The following HECW1 variants were observed in gnomAD, a reference collection of about 807,000 sequenced individuals.
The protein encoded by HECW1 is HECT, C2 and WW domain containing E3 ubiquitin protein ligase 1.
HECW1 carries 61 observed loss-of-function variants against 182.3 expected under a neutral mutation model. That is an observed-to-expected ratio of 0.33 (90% CI 0.27 to 0.41). The LOEUF is 0.41. Ranked by LOEUF, HECW1 falls within the 10% of genes least tolerant of loss-of-function variation. The probability of loss-of-function intolerance (pLI) is 1.00; values close to 1 mark genes in which losing one functional copy is unlikely to be tolerated. For missense variants in HECW1, 1,739 were observed against 2,108.9 expected (o/e 0.82, Z 3.44); for synonymous variants, 859 against 832.6 (o/e 1.03, Z -0.55).
chr7:43,323,710 G>A (rs1028652450), intron 5 of HECW1, among the ~76,000 whole-genome samples: 1 of 152,012 alleles, frequency 6.6e-6, no homozygotes, highest in Non-Finnish European at 1.5e-5. Context: ...TTCAAACTTG[G>A]TCAAGCAGCA....
At chr7:43,155,991 C>T (rs1789840261) in intron 2 of HECW1, among the ~76,000 whole-genome samples, 1 of 152,172 alleles carries the variant, frequency 6.6e-6, no homozygotes, top group South Asian at 2.1e-4. Context: ...ACAGTAAATC[C>T]AGAATGAGTC....
intron 3 of HECW1, among the ~76,000 whole-genome samples, chr7:43,273,551 C>T (rs1002400719): frequency 4.6e-5 from 7 of 152,098 alleles, no homozygotes; most frequent in Admixed American, 1.3e-4. Flanking sequence ...TATATTTCCT[C>T]TTTTACCCAT....
intron 5 of HECW1, among the ~76,000 whole-genome samples, chr7:43,353,292 G>C (rs1481717783): frequency 6.6e-6 from 1 of 151,970 alleles, no homozygotes; most frequent in Non-Finnish European, 1.5e-5. Flanking sequence ...TTAAATTACA[G>C]GGATATTTAG....
At chr7:43,493,433 G>A (rs377020467) in intron 19 of HECW1, among the ~76,000 whole-genome samples, 14 of 152,152 alleles carry the variant, frequency 9.2e-5, no homozygotes, top group African/African-American at 3.1e-4. Context: ...ATGTAGGGGG[G>A]GGAAGGACAG....
At chr7:43,247,542 G>A (rs1799496358) in intron 3 of HECW1, among the ~76,000 whole-genome samples, 1 of 152,122 alleles carries the variant, frequency 6.6e-6, no homozygotes, top group Admixed American at 6.5e-5. Flanking sequence ...TCTGGTGGTT[G>A]AGGCAGAATT....
At chr7:43,257,577 A>T (rs991457979) in intron 3 of HECW1, among the ~76,000 whole-genome samples, 2 of 152,160 alleles carry the variant, frequency 1.3e-5, no homozygotes, top group African/African-American at 4.8e-5. Context: ...ACCAAAACCA[A>T]GCACCATCCT....
At chr7:43,274,637 G>A (rs1336728145) in intron 3 of HECW1, 4 of 356,912 alleles carry the variant, frequency 1.1e-5, no homozygotes, top group Non-Finnish European at 2.1e-5. Flanking sequence ...CGCCCCGGGG[G>A]AGGGAGGGAG....
intron 26 of HECW1, among the ~76,000 whole-genome samples, chr7:43,545,016 C>G (rs2081501396): frequency 6.6e-6 from 1 of 152,164 alleles, no homozygotes; most frequent in Non-Finnish European, 1.5e-5. Context: ...GTAATCCCAG[C>G]ACTGTGGGAG....
rs73689977 is a variant in HECW1, at chr7:43,311,811, T to C, written c.76T>C (p.Ser26Pro). Residue 26 changes from serine to proline, a missense_variant, in exon 4 of 30, where the codon TCT becomes CCT. Physicochemically the swap from Ser to Pro is moderately conservative, Grantham distance 74 (BLOSUM62 -1). Transcript: ENST00000395891. ...AGGCCTGGCCGCCATGGCGTCTCCT[T>C]CTAGAAACTCCCAGAGCCGACGCCG... Reference protein sequence around the residue: ...FLGLAAMASPSRNSQSRRRCK... With the variant: ...FLGLAAMASPPRNSQSRRRCK... 6.2e-7 allele frequency: 1 copy of C among 1,614,076 alleles called. No individual in the cohort carries two copies. Among genetic ancestry groups the C allele is most frequent in the Non-Finnish European group, 8.5e-7 (1 of 1,179,946 alleles).
intron 26 of HECW1, among the ~76,000 whole-genome samples, chr7:43,546,631 A>G (rs997415417): frequency 9.1e-6 from 1 of 110,276 alleles, no homozygotes; most frequent in East Asian, 4.4e-4. Context: ...AAAAAAAAAC[A>G]AACAAACTTT....
Position 43,559,305 on chromosome 7 carries a change from G to T in HECW1, c.4710-2510G>T, listed in dbSNP as rs576378603. On this transcript the variant is annotated intron_variant, in intron 29 of 29. Coordinates refer to ENST00000395891, the MANE Select transcript of HECW1 (RefSeq NM_015052.5). ...GGAATTCGACACAACTTAAAGACCC[G>T]TGCAGATCTCCAAAACATCCATCGC... Among the ~76,000 whole-genome samples the T allele has an allele frequency of 3.7e-4, 57 of 152,226 alleles. No homozygotes were observed. The South Asian group carries it at 0.011, about 30-fold the overall frequency.
chr7:43,136,159 C>T (rs918022699), intron 2 of HECW1, among the ~76,000 whole-genome samples: 2 of 152,032 alleles, frequency 1.3e-5, no homozygotes, highest in African/African-American at 4.8e-5. Context: ...CGTCCTGTCT[C>T]TATGTGGGTT....
At chr7:43,458,930 A>T (rs937863146) in intron 13 of HECW1, among the ~76,000 whole-genome samples, 6 of 152,252 alleles carry the variant, frequency 3.9e-5, no homozygotes, top group Non-Finnish European at 8.8e-5. Flanking sequence ...AGGAGACATA[A>T]AACTAGGAAG....
At chr7:43,293,097 G>A (rs1805603750) in intron 3 of HECW1, among the ~76,000 whole-genome samples, 1 of 151,782 alleles carries the variant, frequency 6.6e-6, no homozygotes, top group Admixed American at 6.6e-5. Context: ...GAAGGCGCCT[G>A]TGGTCCCATC....
chr7:43,476,234 G>C (rs1359382877), intron 16 of HECW1, among the ~76,000 whole-genome samples: 1 of 152,146 alleles, frequency 6.6e-6, no homozygotes, highest in African/African-American at 2.4e-5. Context: ...TACCAGCAAT[G>C]AAGGGTTATA....
intron 3 of HECW1, among the ~76,000 whole-genome samples, chr7:43,305,512 T>C (rs989707191): frequency 1.3e-5 from 2 of 152,194 alleles, no homozygotes; most frequent in East Asian, 3.9e-4. Context: ...ACACGATGGA[T>C]GACCTCAGAA....
At chr7:43,457,021 G>A (rs1356244765) in intron 13 of HECW1, among the ~76,000 whole-genome samples, 1 of 152,126 alleles carries the variant, frequency 6.6e-6, no homozygotes, top group Non-Finnish European at 1.5e-5. Flanking sequence ...CTGCATCTTA[G>A]AAAAAGAAAT....
intron 2 of HECW1, among the ~76,000 whole-genome samples, chr7:43,206,485 C>T (rs536910210): frequency 6.6e-6 from 1 of 152,268 alleles, no homozygotes; most frequent in South Asian, 2.1e-4. Flanking sequence ...TCCCCTCAGT[C>T]CCCCACTAGC....
chr7:43,117,265 T>C lies in HECW1; in HGVS notation c.-32+2874T>C, dbSNP rs73690253. Among the ~76,000 whole-genome samples the C allele has an allele frequency of 7.5e-3, 1,141 of 152,244 alleles. 15 individuals are homozygous for C. The highest frequency in any genetic ancestry group is 0.025 in the African/African-American group (1,055 of 41,556). ...AGTATGTTTCACAGCTGAATAACTC[T>C]TATGGTCAAAGTGTTCCCTGCAATT... is the stretch of plus-strand genomic sequence containing the variant. On this transcript the variant is annotated intron_variant, in intron 2 of 29. Coordinates refer to ENST00000395891, the MANE Select transcript of HECW1 (RefSeq NM_015052.5).
Sources: gnomAD v4.1 joint callset for allele counts (sites outside exome capture counted in the v4.1 genomes callset) on GRCh38, gnomAD v4.1.1 for gene constraint, MANE v1.5 for transcripts, NCBI Gene and HGNC (gene_info 2026-07-23, HGNC 2026-07-21) for gene names.